The following CERS5 variants were observed in gnomAD, a reference collection of about 807,000 sequenced individuals.
The protein encoded by CERS5 is LAG1 homolog, ceramide synthase 5.
In CERS5, 37 loss-of-function variants were observed where a neutral mutation model predicts 58.9. That is an observed-to-expected ratio of 0.63 (90% confidence interval 0.48 to 0.83). CERS5 has a LOEUF of 0.83. CERS5 is among the 40% of genes least tolerant of loss of function. CERS5 has a pLI of 0.00. For missense variants in CERS5, 398 were observed against 489.3 expected (o/e 0.81, Z 1.76); for synonymous variants, 147 against 177.8 (o/e 0.83, Z 1.38).
At chr12:50,143,278 G>A (rs535764139) in intron 2 of CERS5, 74 bp from the exon 3 acceptor site, 25 of 1,545,910 alleles carry the variant, frequency 1.6e-5, no homozygotes, top group South Asian at 6.9e-5. Context: ...CTAGCTGAGC[G>A]ACAAGGTATG....
At chr12:50,159,653 G>C (rs1220222174) in intron 1 of CERS5, among the ~76,000 whole-genome samples, 1 of 152,016 alleles carries the variant, frequency 6.6e-6, no homozygotes, top group East Asian at 1.9e-4. Flanking sequence ...GAGTGCAATG[G>C]TGCGATCTTG....
chr12:50,147,794 T>C (rs1355442015), intron 1 of CERS5, among the ~76,000 whole-genome samples: 1 of 152,186 alleles, frequency 6.6e-6, no homozygotes, highest in Non-Finnish European at 1.5e-5. Context: ...TTTATTTATA[T>C]TGAGACAGGG....
chr12:50,140,016 C>T (rs1301246250), intron 4 of CERS5, among the ~76,000 whole-genome samples: 1 of 152,026 alleles, frequency 6.6e-6, no homozygotes, highest in Non-Finnish European at 1.5e-5. Flanking sequence ...AGCCACCACG[C>T]CTGGCCAATT....
At chr12:50,150,308 C>T (rs1937818911) in intron 1 of CERS5, among the ~76,000 whole-genome samples, 1 of 152,084 alleles carries the variant, frequency 6.6e-6, no homozygotes, top group Non-Finnish European at 1.5e-5. Context: ...CTGCAGTGAG[C>T]CCTGATTGTG....
intron 9 of CERS5, among the ~76,000 whole-genome samples, chr12:50,132,295 A>C (rs1295808194): frequency 6.8e-6 from 1 of 146,744 alleles, no homozygotes; most frequent in African/African-American, 2.5e-5. Context: ...CCAGCTACTC[A>C]GGAGGCTGAG....
At chr12:50,144,962 C>T (rs1191870291) in intron 1 of CERS5, 4 of 347,088 alleles carry the variant, frequency 1.2e-5, no homozygotes, top group African/African-American at 2.2e-5. Flanking sequence ...AGTGAAACCC[C>T]GTCTCTACTA....
Position 50,130,522 on chromosome 12 carries a change from C to A in CERS5, c.*23G>T. The A allele has an allele frequency of 6.4e-7, 1 of 1,562,926 alleles. No individual in the cohort carries two copies. The highest frequency in any genetic ancestry group is 1.2e-5 in the South Asian group (1 of 86,612). ...CAGTGGCCCTACAAGTCCATGTGTG[C>A]TGAAGTCCCTATAGCAACCACCTTA... On this transcript the variant is annotated 3_prime_UTR_variant, in exon 10 of 10. Coordinates refer to ENST00000317551, the MANE Select transcript of CERS5 (RefSeq NM_147190.5).
chr12:50,152,374 G>A (rs1938062925), intron 1 of CERS5, among the ~76,000 whole-genome samples: 1 of 152,176 alleles, frequency 6.6e-6, no homozygotes, highest in Non-Finnish European at 1.5e-5. Flanking sequence ...TGCCAGTTTT[G>A]CTTAAGAATG....
chr12:50,151,057 GTTC>G (rs1937902919), intron 1 of CERS5, among the ~76,000 whole-genome samples: 1 of 151,938 alleles, frequency 6.6e-6, no homozygotes, highest in Non-Finnish European at 1.5e-5. Context: ...TCTCAACTTT[GTTC>G]TTCTCATCAG....
Position 50,152,632 on chromosome 12 carries a change from G to A in CERS5, c.198-8575C>T, listed in dbSNP as rs184702966. Among the ~76,000 whole-genome samples the A allele has an allele frequency of 2.8e-3, 427 of 152,238 alleles. 1 individual carries two copies. Among genetic ancestry groups the A allele is most frequent in the Non-Finnish European group, 5.1e-3 (348 of 68,030 alleles). On this transcript the variant is annotated intron_variant, in intron 1 of 9. Transcript: ENST00000317551. ...AAAAGCACTTCTGATGCATACCAAA[G>A]TATATGGCTCCCAAGGAAAACCATT...
In CERS5 at chr12:50,134,071, G is replaced by GAAAAAAAA. The variant is rs57888855; in HGVS notation, c.1029+467_1029+474dup. The stretch of plus-strand genomic sequence containing the variant: ...TGGGCAACAGAGCGAGATTCCATCT[G>GAAAAAAAA]AAAAAAAAAAAAAAAAAAGGTAAAA... On this transcript the variant is annotated intron_variant, in intron 9 of 9. Transcript: ENST00000317551. 677 of 79,490 alleles carry GAAAAAAAA rather than the reference G, an allele frequency of 8.5e-3. 16 individuals carry two copies. The highest frequency in any genetic ancestry group is 0.022 in the South Asian group (43 of 1,934). The allele number at this position is 79,490 out of a possible 1,614,324, so 4.9% of individuals were successfully genotyped here. A position where few individuals can be genotyped will look rare whatever the true frequency, so the allele number is the denominator to read the frequency against.
At chr12:50,140,879 G>C (rs796770187) in intron 4 of CERS5, among the ~76,000 whole-genome samples, 33 of 141,190 alleles carry the variant, frequency 2.3e-4, no homozygotes, top group African/African-American at 8.2e-4. Context: ...GTCAATTACT[G>C]AGAGAAAAGT....
chr12:50,146,202 A>G (rs546687946), intron 1 of CERS5, among the ~76,000 whole-genome samples: 2 of 152,324 alleles, frequency 1.3e-5, no homozygotes, highest in South Asian at 4.1e-4. Flanking sequence ...AATGGAGATA[A>G]TATCTACCTC....
chr12:50,133,217 C>G, intron 9 of CERS5: 1 of 1,154,384 alleles, frequency 8.7e-7, no homozygotes, highest in South Asian at 1.8e-5. Context: ...ATCACTTGGT[C>G]CTAGTATCAG....
At chr12:50,164,930 AT>A (rs1939701340) in intron 1 of CERS5, 1 of 152,200 alleles carries the variant, frequency 6.6e-6, no homozygotes, top group East Asian at 1.9e-4. Context: ...TTCTATGAAA[AT>A]CACCTTTTAA....
At chr12:50,158,472 G>A (rs747490734) in intron 1 of CERS5, among the ~76,000 whole-genome samples, 37 of 152,082 alleles carry the variant, frequency 2.4e-4, no homozygotes, top group Non-Finnish European at 1.0e-4. Flanking sequence ...CATATCCTAA[G>A]CTTTCAATAA....
chr12:50,145,292 C>A (rs1289502527), intron 1 of CERS5, among the ~76,000 whole-genome samples: 1 of 151,798 alleles, frequency 6.6e-6, no homozygotes, highest in Non-Finnish European at 1.5e-5. Flanking sequence ...AATTGAGGAA[C>A]TATTCCTTGG....
chr12:50,130,641 C>T lies in CERS5; in HGVS notation c.1083G>A (p.Val361=), dbSNP rs1313066845. Reference sequence around the variant, plus strand: ...CACAGGGACTTTTTGTGCAGGTGGTCACATCTTCTTCCTCTGAGCTGCTCT... The same window carrying T: ...CACAGGGACTTTTTGTGCAGGTGGTTACATCTTCTTCCTCTGAGCTGCTCT... ...DVESSSEEED[V]TTCTKSPCDS... The change falls in exon 10 of 10, where the codon GTG becomes GTA. Residue 361 remains valine (V), a synonymous_variant. Coordinates refer to ENST00000317551, the MANE Select transcript of CERS5 (RefSeq NM_147190.5). The T allele has an allele frequency of 3.1e-6, 5 of 1,612,164 alleles. No individual in the cohort carries two copies. The highest frequency in any genetic ancestry group is 4.2e-6 in the Non-Finnish European group (5 of 1,178,488).
intron 1 of CERS5, among the ~76,000 whole-genome samples, chr12:50,145,238 T>C (rs1480020210): frequency 6.6e-6 from 1 of 152,018 alleles, no homozygotes; most frequent in Non-Finnish European, 1.5e-5. Flanking sequence ...TATGATGTTA[T>C]CATTGATTGA....
Sources: gnomAD v4.1 joint callset for allele counts (sites outside exome capture counted in the v4.1 genomes callset) on GRCh38, gnomAD v4.1.1 for gene constraint, MANE v1.5 for transcripts, NCBI Gene and HGNC (gene_info 2026-07-23, HGNC 2026-07-21) for gene names.